TRIP4: variants seen among roughly 807,000 people sequenced by gnomAD.
TRIP4 encodes the protein thyroid hormone receptor interactor 4.
A neutral mutation model predicts 81.8 loss-of-function variants in TRIP4; 54 were observed. The ratio of observed to expected loss-of-function variants is 0.66; its 90% confidence interval spans 0.53 to 0.83. TRIP4 has a LOEUF of 0.83. Among genes scored for constraint, TRIP4 ranks in the 40% least tolerant of loss-of-function variants. The probability of loss-of-function intolerance (pLI) is 0.00; values close to 1 mark genes in which losing one functional copy is unlikely to be tolerated. For synonymous variants in TRIP4, 270 were observed against 242.8 expected (o/e 1.11, Z -1.04); for missense variants, 662 against 683.6 (o/e 0.97, Z 0.35).
intron 12 of TRIP4, among the ~76,000 whole-genome samples, chr15:64,445,787 A>G (rs760348640): frequency 3.3e-5 from 5 of 152,170 alleles, no homozygotes; most frequent in Non-Finnish European, 5.9e-5. Flanking sequence ...AGCCTTTCCA[A>G]AGTATACCTT....
At chr15:64,411,711 G>C (rs1374750149) in intron 7 of TRIP4, among the ~76,000 whole-genome samples, 2 of 147,872 alleles carry the variant, frequency 1.4e-5, no homozygotes, top group African/African-American at 5.0e-5. Context: ...ACAAAGTCTC[G>C]CTCTGTTGCC....
intron 9 of TRIP4, among the ~76,000 whole-genome samples, chr15:64,420,198 T>A (rs1248922991): frequency 1.3e-5 from 2 of 151,588 alleles, no homozygotes; most frequent in Non-Finnish European, 2.9e-5. Context: ...ATCAGCTCAC[T>A]GCAACCTCCA....
intron 12 of TRIP4, among the ~76,000 whole-genome samples, chr15:64,451,513 C>G (rs1347785393): frequency 7.2e-6 from 1 of 139,208 alleles, no homozygotes; most frequent in Non-Finnish European, 1.5e-5. Context: ...ACTCTGTCAC[C>G]CAGGCTGAAG....
At chr15:64,426,081 TG>T (rs1193165945) in intron 11 of TRIP4, among the ~76,000 whole-genome samples, 1 of 151,610 alleles carries the variant, frequency 6.6e-6, no homozygotes, top group Non-Finnish European at 1.5e-5. Flanking sequence ...AGATTCCTTC[TG>T]GGGGAAAAAA....
chr15:64,427,965 T>TC (rs977496578), intron 11 of TRIP4, among the ~76,000 whole-genome samples: 25 of 151,870 alleles, frequency 1.6e-4, no homozygotes, highest in Non-Finnish European at 3.2e-4. Context: ...TCTTTTTTTT[T>TC]CCCCCAGTCT....
At chr15:64,396,458 T>C (rs1364238902) in intron 3 of TRIP4, among the ~76,000 whole-genome samples, 3 of 151,972 alleles carry the variant, frequency 2.0e-5, no homozygotes, top group African/African-American at 4.8e-5. Context: ...TTTGTATTTT[T>C]AGTAGAGATG....
intron 11 of TRIP4, among the ~76,000 whole-genome samples, chr15:64,443,094 G>C (rs564721132): frequency 1.3e-5 from 2 of 152,276 alleles, no homozygotes; most frequent in East Asian, 3.9e-4. Context: ...AATGATGAGA[G>C]TGAAAGCCTA....
At chr15:64,394,779 G>C (rs953911045) in intron 2 of TRIP4, among the ~76,000 whole-genome samples, 1 of 152,118 alleles carries the variant, frequency 6.6e-6, no homozygotes, top group Admixed American at 6.6e-5. Flanking sequence ...AGAGATAACT[G>C]CTTAAATAGT....
At chr15:64,420,121 T>G (rs1265851048) in intron 9 of TRIP4, among the ~76,000 whole-genome samples, 1 of 151,366 alleles carries the variant, frequency 6.6e-6, no homozygotes, top group Non-Finnish European at 1.5e-5. Context: ...GCTTCTTTCT[T>G]TCTTTTTTTT....
intron 7 of TRIP4, among the ~76,000 whole-genome samples, chr15:64,413,830 C>T (rs977106436): frequency 3.9e-5 from 6 of 152,110 alleles, no homozygotes; most frequent in African/African-American, 1.2e-4. Flanking sequence ...TTGTGATCCG[C>T]CCTCCTTGGC....
At chr15:64,390,387 C>T (rs1351031992) in intron 1 of TRIP4, among the ~76,000 whole-genome samples, 7 of 149,030 alleles carry the variant, frequency 4.7e-5, no homozygotes, top group Non-Finnish European at 8.9e-5. Flanking sequence ...CCTTGAACCG[C>T]GGGGCAGAGG....
At chr15:64,431,845 A>ATTTT (rs1237735745) in intron 11 of TRIP4, among the ~76,000 whole-genome samples, 5 of 22,720 alleles carry the variant, frequency 2.2e-4, no homozygotes, top group Non-Finnish European at 8.4e-4. Context: ...ATATATATAT[A>ATTTT]TATTTTTTTT....
chr15:64,444,296 CTTAAA>C (rs1412867302), intron 11 of TRIP4, among the ~76,000 whole-genome samples: 8 of 152,134 alleles, frequency 5.3e-5, no homozygotes, highest in Admixed American at 1.3e-4. Context: ...CCCAATTGTT[CTTAAA>C]TTGTGATTGT....
At chr15:64,414,362 T>C (rs1891841234) in intron 8 of TRIP4, 151 bp downstream of exon 8, 1 of 1,046,446 alleles carries the variant, frequency 9.6e-7, no homozygotes. Context: ...GCCAACCTTA[T>C]TCTCTGGCCC....
intron 5 of TRIP4, among the ~76,000 whole-genome samples, chr15:64,405,633 A>G (rs956517779): frequency 6.6e-6 from 1 of 152,134 alleles, no homozygotes; most frequent in African/African-American, 2.4e-5. Context: ...GAAACTGTTC[A>G]TTTTTTCTGC....
intron 11 of TRIP4, among the ~76,000 whole-genome samples, chr15:64,427,477 GTGATCCTCCCACCT>G (rs1892174327): frequency 6.6e-6 from 1 of 152,202 alleles, no homozygotes; most frequent in South Asian, 2.1e-4. Flanking sequence ...CTGGGCTTAA[GTGATCCTCCCACCT>G]CAGCCTCCCA....
chr15:64,393,184 C>G (rs1473626867), intron 1 of TRIP4, among the ~76,000 whole-genome samples: 1 of 139,592 alleles, frequency 7.2e-6, no homozygotes, highest in African/African-American at 2.7e-5. Context: ...GAGGAAGTCT[C>G]ACTTGCCCAG....
At chr15:64,412,305 C>T (rs565501589) in intron 7 of TRIP4, among the ~76,000 whole-genome samples, 1 of 152,094 alleles carries the variant, frequency 6.6e-6, no homozygotes, top group Admixed American at 6.6e-5. Flanking sequence ...CCTCATCATA[C>T]AAATTCTTAT....
intron 8 of TRIP4, among the ~76,000 whole-genome samples, chr15:64,417,790 T>C (rs943190052): frequency 2.0e-5 from 3 of 152,214 alleles, no homozygotes; most frequent in African/African-American, 7.2e-5. Context: ...GGCTTTGTCA[T>C]GGTGCCAGCA....
Sources: gnomAD v4.1 joint callset for allele counts (sites outside exome capture counted in the v4.1 genomes callset) on GRCh38, gnomAD v4.1.1 for gene constraint, MANE v1.5 for transcripts, NCBI Gene and HGNC (gene_info 2026-07-23, HGNC 2026-07-21) for gene names.